Variants in CTNNBL1 observed in about 807,000 individuals in gnomAD.
The protein encoded by CTNNBL1 is beta-catenin-like protein 1.
In CTNNBL1, 31 loss-of-function variants were observed where a neutral mutation model predicts 72.7. That is an observed-to-expected ratio of 0.43 (90% CI 0.32 to 0.58). The LOEUF is 0.58. Ranked by LOEUF, CTNNBL1 falls within the 20% of genes least tolerant of loss-of-function variation. The probability of loss-of-function intolerance (pLI) is 0.08; values close to 1 mark genes in which losing one functional copy is unlikely to be tolerated. For synonymous variants in CTNNBL1, 240 were observed against 267.3 expected (o/e 0.90, Z 1.00); for missense variants, 534 against 725.1 (o/e 0.74, Z 3.03).
At chr20:37,820,190 T>G (rs1432448645) in intron 11 of CTNNBL1, among the ~76,000 whole-genome samples, 2 of 152,130 alleles carry the variant, frequency 1.3e-5, no homozygotes, top group Non-Finnish European at 2.9e-5. Context: ...TTAAGATCTT[T>G]TGTAGATTCT....
In CTNNBL1 at chr20:37,746,534, A is replaced by G. The variant is rs1296617344; in HGVS notation, c.393A>G (p.Pro131=). 1 of 1,614,156 alleles carries G rather than the reference A, an allele frequency of 6.2e-7. No individual in the cohort carries two copies. The highest frequency in any genetic ancestry group is 8.5e-7 in the Non-Finnish European group (1 of 1,179,998). ...IQEMHVVATM[P]DLYHLLVELN... ...AGATGCACGTGGTGGCCACCATGCC[A>G]GACCTGTACCACCTTCTGGTGGAGC... is the stretch of plus-strand genomic sequence containing the variant. Residue 131 remains proline, a synonymous_variant, in exon 4 of 16, where the codon CCA becomes CCG. Transcript: ENST00000361383.
At chr20:37,840,481 G>A (rs1321394901) in intron 12 of CTNNBL1, among the ~76,000 whole-genome samples, 1 of 152,224 alleles carries the variant, frequency 6.6e-6, no homozygotes, top group Non-Finnish European at 1.5e-5. Context: ...TTTGTTGAGG[G>A]CTGCTGCACA....
intron 7 of CTNNBL1, among the ~76,000 whole-genome samples, chr20:37,774,336 G>A (rs1011844729): frequency 1.3e-5 from 2 of 152,136 alleles, no homozygotes; most frequent in Admixed American, 6.5e-5. Context: ...TGGGAACCAC[G>A]TGAGAGAGCC....
intron 6 of CTNNBL1, among the ~76,000 whole-genome samples, chr20:37,766,498 A>G (rs749847005): frequency 3.3e-5 from 5 of 152,174 alleles, no homozygotes. Flanking sequence ...AAGAAAGGAA[A>G]GACAATGCTG....
intron 11 of CTNNBL1, among the ~76,000 whole-genome samples, chr20:37,814,652 TC>T (rs1302720250): frequency 1.3e-5 from 2 of 152,168 alleles, no homozygotes; most frequent in African/African-American, 4.8e-5. Context: ...TACATGTCCC[TC>T]CTCCAGCAAT....
intron 7 of CTNNBL1, among the ~76,000 whole-genome samples, chr20:37,776,348 G>A (rs2073573258): frequency 6.6e-6 from 1 of 152,186 alleles, no homozygotes; most frequent in South Asian, 2.1e-4. Flanking sequence ...TCCTCTTTAA[G>A]TATAAAACCA....
intron 1 of CTNNBL1, among the ~76,000 whole-genome samples, chr20:37,732,411 T>C (rs1012592672): frequency 6.6e-6 from 1 of 152,258 alleles, no homozygotes; most frequent in Non-Finnish European, 1.5e-5. Flanking sequence ...GACGCTGGCA[T>C]TGGGAGTTAT....
intron 15 of CTNNBL1, among the ~76,000 whole-genome samples, chr20:37,867,379 G>C (rs370579357): frequency 6.6e-6 from 1 of 152,200 alleles, no homozygotes; most frequent in East Asian, 1.9e-4. Flanking sequence ...CCTGGAAGAC[G>C]ACTTTTCCCC....
At chr20:37,866,480 C>A (rs557320649) in intron 15 of CTNNBL1, among the ~76,000 whole-genome samples, 148 of 152,312 alleles carry the variant, frequency 9.7e-4, no homozygotes, top group African/African-American at 3.5e-3. Context: ...ATGGGGAGAA[C>A]CTGTCTCAGA....
chr20:37,803,991 C>G (rs1417359368), intron 11 of CTNNBL1, among the ~76,000 whole-genome samples: 1 of 152,072 alleles, frequency 6.6e-6, no homozygotes. Context: ...CTTAGTCTCT[C>G]CCAACTTGGA....
rs780689340 is a variant in CTNNBL1, at chr20:37,777,300, G to A, written c.751-45G>A. The A allele has an allele frequency of 3.4e-6, 5 of 1,491,012 alleles. No homozygotes were observed. In the African/African-American group the frequency reaches 5.5e-5, roughly 16 times the overall value. 92.4% of individuals were successfully genotyped at this position (1,491,012 alleles called of 1,614,324 possible). On this transcript the variant is annotated intron_variant, in intron 7 of 15. Coordinates refer to ENST00000361383, the MANE Select transcript of CTNNBL1 (RefSeq NM_030877.5). The stretch of plus-strand genomic sequence containing the variant: ...TGAAAAATTTGTCCTGGGGAAGGAA[G>A]CAAGACCCCTTAACATTTTTCTCAT...
At chr20:37,826,442 T>A (rs2072160772) in intron 11 of CTNNBL1, among the ~76,000 whole-genome samples, 1 of 152,226 alleles carries the variant, frequency 6.6e-6, no homozygotes, top group Admixed American at 6.5e-5. Flanking sequence ...AAGATGAGAC[T>A]ACTGAGTTAA....
chr20:37,826,639 A>T lies in CTNNBL1; in HGVS notation c.1214-13463A>T, dbSNP rs1186481754. ...TCAACATTTTCTTAAGATAATTTTC[A>T]AACATACAGAAAAGTTGGATGAGCT... On this transcript the variant is annotated intron_variant, in intron 11 of 15. Coordinates refer to ENST00000361383, the MANE Select transcript of CTNNBL1 (RefSeq NM_030877.5). 2.0e-5 allele frequency among the ~76,000 whole-genome samples: 3 copies of T among 152,320 alleles called. No individual in the cohort carries two copies. In the East Asian group the frequency reaches 5.8e-4, roughly 29 times the overall value.
intron 1 of CTNNBL1, among the ~76,000 whole-genome samples, chr20:37,729,491 A>G (rs1029730904): frequency 2.7e-5 from 4 of 146,468 alleles, no homozygotes; most frequent in Admixed American, 1.4e-4. Flanking sequence ...TTTTTTTTCT[A>G]TTTTGCATTT....
chr20:37,694,153 G>T lies in CTNNBL1; in HGVS notation c.30+1G>T, dbSNP rs2072767516. 6.3e-7 allele frequency: 1 copy of T among 1,596,710 alleles called. No homozygotes were observed. The highest frequency in any genetic ancestry group is 8.5e-7 in the Non-Finnish European group (1 of 1,173,048). On this transcript the variant is annotated splice_donor_variant, in intron 1 of 15. Coordinates refer to ENST00000361383, the MANE Select transcript of CTNNBL1 (RefSeq NM_030877.5). LOFTEE classifies it high-confidence loss of function. ...CGTGGGCGAACTTCTGAGCTACCAG[G>T]TATGAGGGGCAGGGAGGGCCGAGCG...
chr20:37,848,291 A>C (rs1363751708), intron 13 of CTNNBL1, among the ~76,000 whole-genome samples: 2 of 151,800 alleles, frequency 1.3e-5, no homozygotes, highest in South Asian at 2.1e-4. Flanking sequence ...AGTAGCTGAG[A>C]CCTCAGGTGT....
intron 6 of CTNNBL1, among the ~76,000 whole-genome samples, chr20:37,767,309 T>C (rs1237851619): frequency 6.6e-6 from 1 of 152,182 alleles, no homozygotes; most frequent in Non-Finnish European, 1.5e-5. Context: ...AACTTTTTTT[T>C]CCTCCTAATT....
At chr20:37,831,578 G>C (rs755137615) in intron 11 of CTNNBL1, among the ~76,000 whole-genome samples, 1 of 152,000 alleles carries the variant, frequency 6.6e-6, no homozygotes, top group Non-Finnish European at 1.5e-5. Flanking sequence ...ATGTTAGCCC[G>C]GGTGGTCTCG....
intron 1 of CTNNBL1, among the ~76,000 whole-genome samples, chr20:37,701,052 T>C (rs2072837294): frequency 6.6e-6 from 1 of 152,222 alleles, no homozygotes; most frequent in African/African-American, 2.4e-5. Flanking sequence ...GGAAAACTAT[T>C]ATCCTAATTC....
Sources: allele counts gnomAD v4.1 joint callset (sites outside exome capture counted in the v4.1 genomes callset), GRCh38; gene constraint gnomAD v4.1.1; transcripts MANE v1.5; gene names NCBI Gene and HGNC (gene_info 2026-07-23, HGNC 2026-07-21).